GPC5: variants seen among roughly 807,000 people sequenced by gnomAD.
GPC5 encodes the protein glypican 5.
Under a neutral mutation model 53.9 loss-of-function variants are expected in GPC5, and 47 were observed. That is an observed-to-expected ratio of 0.87 (90% CI 0.69 to 1.11). GPC5 has a LOEUF of 1.11. GPC5 is among the 50% of genes most tolerant of loss of function. The pLI, the probability that GPC5 is intolerant of heterozygous loss-of-function variation, is 0.00. For synonymous variants in GPC5, 286 were observed against 263.3 expected (o/e 1.09, Z -0.84); for missense variants, 748 against 713.1 (o/e 1.05, Z -0.56).
intron 5 of GPC5, among the ~76,000 whole-genome samples, chr13:91,875,496 CT>C (rs1211812454): frequency 6.6e-6 from 1 of 152,090 alleles, no homozygotes. Context: ...AGAGATACTA[CT>C]TAATAGGATG....
intron 6 of GPC5, among the ~76,000 whole-genome samples, chr13:92,083,381 G>A (rs1305648817): frequency 6.6e-6 from 1 of 152,092 alleles, no homozygotes; most frequent in African/African-American, 2.4e-5. Flanking sequence ...ATGCATTTGA[G>A]TAAGGTCTAG....
intron 7 of GPC5, among the ~76,000 whole-genome samples, chr13:92,295,170 T>A (rs1017235203): frequency 5.3e-5 from 8 of 152,202 alleles, no homozygotes; most frequent in Middle Eastern, 3.4e-3. Context: ...TGAACTTTCC[T>A]CTTAGCACCA....
At chr13:91,438,627 C>T (rs962565160) in intron 1 of GPC5, among the ~76,000 whole-genome samples, 6 of 152,194 alleles carry the variant, frequency 3.9e-5, no homozygotes, top group Non-Finnish European at 7.3e-5. Flanking sequence ...CTTGAGGAGG[C>T]AGCCTGTCCA....
At chr13:92,184,039 C>T (rs983071757) in intron 7 of GPC5, among the ~76,000 whole-genome samples, 3 of 151,930 alleles carry the variant, frequency 2.0e-5, no homozygotes, top group African/African-American at 7.2e-5. Context: ...TGCTAGATTA[C>T]CATATAATTA....
chr13:91,812,867 C>T (rs1158202025), intron 5 of GPC5, among the ~76,000 whole-genome samples: 2 of 152,098 alleles, frequency 1.3e-5, no homozygotes, highest in African/African-American at 4.8e-5. Context: ...CTTTTTCTAC[C>T]CTCTGACCCA....
intron 7 of GPC5, among the ~76,000 whole-genome samples, chr13:92,212,310 C>T (rs1000094594): frequency 2.6e-5 from 4 of 151,950 alleles, no homozygotes; most frequent in East Asian, 1.9e-4. Flanking sequence ...ATGATAGGAT[C>T]GTGATTTGGA....
chr13:92,632,197 T>C (rs1436620490), intron 7 of GPC5, among the ~76,000 whole-genome samples: 1 of 152,118 alleles, frequency 6.6e-6, no homozygotes, highest in African/African-American at 2.4e-5. Context: ...ATGTAGCTCT[T>C]TGGCCAATTT....
intron 2 of GPC5, among the ~76,000 whole-genome samples, chr13:91,688,914 C>T (rs904452631): frequency 3.6e-4 from 54 of 151,770 alleles, no homozygotes; most frequent in African/African-American, 1.3e-3. Context: ...AATCCTAGCA[C>T]TGTGGGAGGC....
intron 7 of GPC5, among the ~76,000 whole-genome samples, chr13:92,242,317 C>T (rs530197172): frequency 1.3e-4 from 20 of 152,026 alleles, no homozygotes; most frequent in African/African-American, 3.9e-4. Flanking sequence ...ATTTAGTTTC[C>T]CTTAAGACAG....
intron 7 of GPC5, among the ~76,000 whole-genome samples, chr13:92,359,021 A>T (rs1048705107): frequency 6.6e-6 from 1 of 151,770 alleles, no homozygotes. Flanking sequence ...CCACATGGCT[A>T]GGCTGCAAAT....
intron 7 of GPC5, among the ~76,000 whole-genome samples, chr13:92,271,997 A>C (rs6492593): frequency 0.34 from 51,971 of 151,990 alleles, 9,508 homozygotes; most frequent in African/African-American, 0.48. Context: ...CTGATTGTTT[A>C]TTTTGGGGCT....
chr13:91,980,157 AAAC>A (rs1353451195), intron 6 of GPC5, among the ~76,000 whole-genome samples: 1 of 152,214 alleles, frequency 6.6e-6, no homozygotes, highest in Non-Finnish European at 1.5e-5. Flanking sequence ...GTGACAGAGA[AAAC>A]AATGTGCATT....
chr13:91,445,595 C>T (rs924725593), intron 1 of GPC5, among the ~76,000 whole-genome samples: 13 of 152,186 alleles, frequency 8.5e-5, no homozygotes, highest in Non-Finnish European at 5.9e-5. Context: ...CTGCCTCAGT[C>T]TCCTGAGTAG....
At chr13:92,098,763 A>G (rs570724818) in intron 6 of GPC5, among the ~76,000 whole-genome samples, 2 of 152,294 alleles carry the variant, frequency 1.3e-5, no homozygotes, top group Admixed American at 6.5e-5. Flanking sequence ...TAAAAGTAGA[A>G]AAGGGAGACA....
chr13:92,734,335 G>T (rs1485522791), intron 7 of GPC5, among the ~76,000 whole-genome samples: 4 of 151,742 alleles, frequency 2.6e-5, no homozygotes, highest in Admixed American at 6.6e-5. Flanking sequence ...TCATCTCTTG[G>T]TGAATTCTCA....
intron 7 of GPC5, among the ~76,000 whole-genome samples, chr13:92,833,959 T>G (rs1234261945): frequency 6.6e-6 from 1 of 152,182 alleles, no homozygotes; most frequent in East Asian, 1.9e-4. Context: ...TAAATAGAAC[T>G]CACTGAAGGA....
At position 92,207,729 on chromosome 13, in the gene GPC5, C is replaced by T. The variant is rs74715280; in HGVS notation, c.1561+62740C>T. On this transcript the variant is annotated intron_variant, in intron 7 of 7. Transcript: ENST00000377067. ...AATTCTTTTTCAAACCATTACTCTGCGGTTATCTGTCTACTCATTCTTAGA... is the reference window on the plus strand; with the variant it reads ...AATTCTTTTTCAAACCATTACTCTGTGGTTATCTGTCTACTCATTCTTAGA... Among the ~76,000 whole-genome samples, 916 of 152,256 alleles carry T rather than the reference C, an allele frequency of 6.0e-3. 14 individuals carry two copies. The highest frequency in any genetic ancestry group is 0.02 in the African/African-American group (845 of 41,534).
rs1007910318 is a variant in GPC5 at position 91,580,549 on chromosome 13, A to G, written c.326-112638A>G. 7.2e-5 allele frequency among the ~76,000 whole-genome samples: 11 copies of G among 152,244 alleles called. No homozygotes were observed. In the South Asian group the frequency reaches 1.0e-3, roughly 14 times the overall value. ...TGATCCTAGCTTTGCTCTTACTTCA[A>G]TTTACCCTCTTCCACTTTACTTACA... On this transcript the variant is annotated intron_variant, in intron 2 of 7. Transcript: ENST00000377067.
intron 5 of GPC5, among the ~76,000 whole-genome samples, chr13:91,770,463 G>T (rs1233817061): frequency 6.6e-6 from 1 of 152,026 alleles, no homozygotes; most frequent in African/African-American, 2.4e-5. Context: ...CTGGTGACCA[G>T]CCCCCATCCA....
Sources: gnomAD v4.1 joint callset for allele counts (sites outside exome capture counted in the v4.1 genomes callset) on GRCh38, gnomAD v4.1.1 for gene constraint, MANE v1.5 for transcripts, NCBI Gene and HGNC (gene_info 2026-07-23, HGNC 2026-07-21) for gene names.